TRAPPC9: variants seen among roughly 807,000 people sequenced by gnomAD.
TRAPPC9 encodes IKK2 binding protein.
Under a neutral mutation model 124.0 loss-of-function variants are expected in TRAPPC9, and 83 were observed. The ratio of observed to expected loss-of-function variants is 0.67; its 90% CI spans 0.56 to 0.80. The LOEUF is 0.80. TRAPPC9 is among the 30% of genes least tolerant of loss of function. The pLI, the probability that TRAPPC9 is intolerant of heterozygous loss-of-function variation, is 0.00. For synonymous variants in TRAPPC9, 638 were observed against 617.5 expected (o/e 1.03, Z -0.49); for missense variants, 1,302 against 1,508.3 (o/e 0.86, Z 2.27).
chr8:139,917,173 T>TC, intron 19 of TRAPPC9, among the ~76,000 whole-genome samples: 1 of 135,044 alleles, frequency 7.4e-6, no homozygotes, highest in African/African-American at 2.9e-5. Flanking sequence ...TTTTCTTTTT[T>TC]TTTTTTTTTT....
chr8:140,207,811 C>T (rs2062962599), intron 17 of TRAPPC9, among the ~76,000 whole-genome samples: 1 of 152,168 alleles, frequency 6.6e-6, no homozygotes, highest in Non-Finnish European at 1.5e-5. Context: ...TCTAGGCTTC[C>T]TCCAAATAAG....
chr8:139,925,369 AG>A (rs1191640375), intron 19 of TRAPPC9, among the ~76,000 whole-genome samples: 1 of 152,224 alleles, frequency 6.6e-6, no homozygotes, highest in Non-Finnish European at 1.5e-5. Flanking sequence ...CGAGAGAGCT[AG>A]AGAAGTGGAC....
At position 140,265,568 on chromosome 8, in the gene TRAPPC9, G is replaced by C. The variant is rs919800714; in HGVS notation, c.2278+10090C>G. ...CATCCTTCCTGTGGCACAGAACTGGGTGTCTGAAGGGGCTCTGCAGAATCC... is the reference window on the plus strand; with the variant it reads ...CATCCTTCCTGTGGCACAGAACTGGCTGTCTGAAGGGGCTCTGCAGAATCC... On this transcript the variant is annotated intron_variant, in intron 15 of 22. Coordinates refer to ENST00000438773, the MANE Select transcript of TRAPPC9 (RefSeq NM_001160372.4). Among the ~76,000 whole-genome samples, 5 of 152,166 alleles carry C rather than the reference G, an allele frequency of 3.3e-5. No homozygotes were observed. In the East Asian group the frequency reaches 9.6e-4, roughly 29 times the overall value.
rs137995920 is a variant in TRAPPC9 at position 140,089,170 on chromosome 8, A to G, written c.2557-65091T>C. ...TACAAGTTTCTCCTCGAAGCCCCTC[A>G]ATGCACTGATGGCCTTTTTCTTCTC... On this transcript the variant is annotated intron_variant, in intron 17 of 22. Coordinates refer to ENST00000438773, the MANE Select transcript of TRAPPC9 (RefSeq NM_001160372.4). Among the ~76,000 whole-genome samples the G allele has an allele frequency of 8.5e-5, 13 of 152,316 alleles. No individual in the cohort carries two copies. The East Asian group carries it at 2.5e-3, about 29-fold the overall frequency.
chr8:140,412,393 C>G (rs775061700), intron 5 of TRAPPC9, among the ~76,000 whole-genome samples: 1 of 152,210 alleles, frequency 6.6e-6, no homozygotes, highest in Admixed American at 6.5e-5. Context: ...GTGTGTGATC[C>G]TGGACTGGAT....
Position 140,437,922 on chromosome 8 carries a change from C to A in TRAPPC9, c.730+1130G>T, listed in dbSNP as rs570176145. On this transcript the variant is annotated intron_variant, in intron 3 of 22. Coordinates refer to ENST00000438773, the MANE Select transcript of TRAPPC9 (RefSeq NM_001160372.4). ...AGCAACATCTCAGGCAGGGCACCCG[C>A]TCTGCCGACTGCTGCGGGGGATCAG... Among the ~76,000 whole-genome samples the A allele has an allele frequency of 1.6e-3, 244 of 152,308 alleles. 1 individual carries two copies. The highest frequency in any genetic ancestry group is 2.6e-3 in the Non-Finnish European group (178 of 68,026).
intron 15 of TRAPPC9, among the ~76,000 whole-genome samples, chr8:140,266,723 G>A (rs2064673828): frequency 6.6e-6 from 1 of 150,744 alleles, no homozygotes; most frequent in Non-Finnish European, 1.5e-5. Flanking sequence ...AGCCGGGCGT[G>A]GTGGTGGGTG....
chr8:140,347,088 C>G (rs538689503), intron 9 of TRAPPC9, among the ~76,000 whole-genome samples: 2 of 152,214 alleles, frequency 1.3e-5, no homozygotes, highest in South Asian at 2.1e-4. Context: ...GGGCCAGGCA[C>G]GCATGTTTAG....
intron 18 of TRAPPC9, among the ~76,000 whole-genome samples, chr8:140,018,324 A>ATTTTTTCTTTTTTCTTTTTTTT (rs765656679): frequency 7.5e-5 from 9 of 119,778 alleles, no homozygotes; most frequent in African/African-American, 2.9e-4. Context: ...AACGTAAGTG[A>ATTTTTTCTTTTTTCTTTTTTTT]TTTTTTTTTT....
intron 21 of TRAPPC9, among the ~76,000 whole-genome samples, chr8:139,752,980 C>T (rs1819445327): frequency 6.6e-6 from 1 of 151,052 alleles, no homozygotes; most frequent in Admixed American, 6.6e-5. Flanking sequence ...TCTACCCATC[C>T]ATCCATCCAT....
At chr8:140,455,091 A>G (rs6997966) in intron 1 of TRAPPC9, among the ~76,000 whole-genome samples, 32,724 of 152,134 alleles carry the variant, frequency 0.22, 3,934 homozygotes, top group Middle Eastern at 0.33. Context: ...ATCTGAAAAC[A>G]TGTGTCCACA....
At chr8:139,813,180 G>T (rs1416969749) in intron 21 of TRAPPC9, among the ~76,000 whole-genome samples, 2 of 152,222 alleles carry the variant, frequency 1.3e-5, no homozygotes, top group Admixed American at 6.5e-5. Context: ...ACATAAAGAG[G>T]AGGCAAACTA....
intron 21 of TRAPPC9, among the ~76,000 whole-genome samples, chr8:139,746,142 AC>A (rs1818870450): frequency 1.3e-5 from 2 of 152,144 alleles, no homozygotes; most frequent in Admixed American, 1.3e-4. Context: ...CGCCGGTGGC[AC>A]CTCAGCTCTG....
intron 2 of TRAPPC9, among the ~76,000 whole-genome samples, chr8:140,439,465 AT>A (rs1457480380): frequency 2.0e-5 from 3 of 152,142 alleles, no homozygotes; most frequent in Non-Finnish European, 4.4e-5. Context: ...TTACAGTTGG[AT>A]TTTTCTTTTT....
At chr8:139,903,504 C>CA (rs893810295) in intron 20 of TRAPPC9, among the ~76,000 whole-genome samples, 7 of 152,110 alleles carry the variant, frequency 4.6e-5, no homozygotes, top group African/African-American at 1.7e-4. Context: ...GGGTGATTTG[C>CA]AACAAAAACA....
chr8:140,337,013 T>C (rs931937145), intron 9 of TRAPPC9, among the ~76,000 whole-genome samples: 13 of 152,190 alleles, frequency 8.5e-5, no homozygotes, highest in East Asian at 3.8e-4. Flanking sequence ...CAGTCTTTAG[T>C]GGGTGCAGCC....
At chr8:140,421,630 A>G (rs755902699) in intron 5 of TRAPPC9, among the ~76,000 whole-genome samples, 2 of 152,176 alleles carry the variant, frequency 1.3e-5, no homozygotes, top group Non-Finnish European at 2.9e-5. Flanking sequence ...CCGCTGGACA[A>G]TGAGGCACTA....
At chr8:139,748,787 T>A (rs540078750) in intron 21 of TRAPPC9, among the ~76,000 whole-genome samples, 17 of 152,130 alleles carry the variant, frequency 1.1e-4, no homozygotes, top group African/African-American at 4.1e-4. Context: ...AGAAGGGCAT[T>A]TACCTTGGGG....
chr8:140,156,956 C>T (rs2061644083), intron 17 of TRAPPC9, among the ~76,000 whole-genome samples: 1 of 141,200 alleles, frequency 7.1e-6, no homozygotes, highest in Admixed American at 7.0e-5. Flanking sequence ...ATTCAAAAGC[C>T]TCCCTTTTCC....
Sources: gnomAD v4.1 joint callset for allele counts (sites outside exome capture counted in the v4.1 genomes callset) on GRCh38, gnomAD v4.1.1 for gene constraint, MANE v1.5 for transcripts, NCBI Gene and HGNC (gene_info 2026-07-23, HGNC 2026-07-21) for gene names.